Variants in PKN2 observed in about 807,000 individuals in gnomAD.
The protein encoded by PKN2 is protein kinase N2.
A neutral mutation model predicts 119.1 loss-of-function variants in PKN2; 38 were observed. That is an observed-to-expected ratio of 0.32 (90% CI 0.25 to 0.42). The LOEUF is 0.42. Ranked by LOEUF, PKN2 falls within the 10% of genes least tolerant of loss-of-function variation. PKN2 has a pLI of 1.00. For synonymous variants in PKN2, 390 were observed against 384.9 expected (o/e 1.01, Z -0.15); for missense variants, 850 against 1,165.1 (o/e 0.73, Z 3.94).
At chr1:88,787,824 A>G (rs1190801994) in intron 8 of PKN2, among the ~76,000 whole-genome samples, 1 of 152,222 alleles carries the variant, frequency 6.6e-6, no homozygotes, top group African/African-American at 2.4e-5. Context: ...CTTGAGAGGC[A>G]TCTTTCTTAT....
chr1:88,715,991 G>C (rs1010353765), intron 1 of PKN2, among the ~76,000 whole-genome samples: 4 of 151,968 alleles, frequency 2.6e-5, no homozygotes, highest in Admixed American at 6.6e-5. Context: ...CTGGTCCACT[G>C]TCTTTGTTCT....
intron 16 of PKN2, among the ~76,000 whole-genome samples, chr1:88,820,024 G>C (rs887022301): frequency 1.3e-5 from 2 of 151,590 alleles, no homozygotes; most frequent in Admixed American, 1.3e-4. Flanking sequence ...GATAGCATTA[G>C]GAGAAATACC....
chr1:88,710,211 G>T (rs1667171159), intron 1 of PKN2, among the ~76,000 whole-genome samples: 1 of 152,066 alleles, frequency 6.6e-6, no homozygotes, highest in Non-Finnish European at 1.5e-5. Flanking sequence ...AATATATTAA[G>T]TGCCATATTA....
At chr1:88,689,600 C>T (rs548715791) in intron 1 of PKN2, among the ~76,000 whole-genome samples, 1 of 152,268 alleles carries the variant, frequency 6.6e-6, no homozygotes, top group South Asian at 2.1e-4. Flanking sequence ...CACCTGAGGT[C>T]AGGAGTTCGA....
chr1:88,748,781 A>T (rs990917357), intron 2 of PKN2, among the ~76,000 whole-genome samples: 1 of 151,866 alleles, frequency 6.6e-6, no homozygotes. Context: ...CAAAAAATTT[A>T]AAAATTAGCC....
chr1:88,763,495 TACTTGGGAGACTGAGGCAAGAG>T, intron 3 of PKN2, among the ~76,000 whole-genome samples: 1 of 150,760 alleles, frequency 6.6e-6, no homozygotes. Flanking sequence ...TAATCCCAGC[TACTTGGGAGACTGAGGCAAGAG>T]AATCACTTGA....
At chr1:88,811,789 A>T (rs1671791843) in intron 15 of PKN2, among the ~76,000 whole-genome samples, 1 of 152,192 alleles carries the variant, frequency 6.6e-6, no homozygotes, top group Non-Finnish European at 1.5e-5. Flanking sequence ...TCTCTATTGT[A>T]TTTACTCTTA....
intron 15 of PKN2, 102 bp from the exon 16 acceptor site, chr1:88,813,455 G>T: frequency 1.3e-6 from 1 of 761,424 alleles, no homozygotes. Flanking sequence ...TTAAGTTATA[G>T]TTAAAATTTT....
At chr1:88,767,753 A>C (rs989549264) in intron 3 of PKN2, among the ~76,000 whole-genome samples, 5 of 152,234 alleles carry the variant, frequency 3.3e-5, no homozygotes, top group Non-Finnish European at 7.3e-5. Flanking sequence ...AAAATTTATA[A>C]ATTTCATAAA....
chr1:88,789,380 A>C (rs943419803), intron 8 of PKN2, among the ~76,000 whole-genome samples: 3 of 152,090 alleles, frequency 2.0e-5, no homozygotes, highest in African/African-American at 7.2e-5. Context: ...ATAAGAAGTT[A>C]GCCGTGTGCA....
At chr1:88,826,280 T>C (rs1377213770) in intron 18 of PKN2, among the ~76,000 whole-genome samples, 1 of 152,180 alleles carries the variant, frequency 6.6e-6, no homozygotes, top group Non-Finnish European at 1.5e-5. Context: ...TAATGCATTA[T>C]CATAAAAACA....
intron 19 of PKN2, chr1:88,828,998 G>A: frequency 1.6e-6 from 1 of 638,390 alleles, no homozygotes; most frequent in South Asian, 1.5e-5. Flanking sequence ...TGTTACCTTC[G>A]ACTTCCTCCA....
intron 9 of PKN2, 66 bp downstream of exon 9, chr1:88,804,600 A>G (rs1671458909): frequency 3.4e-6 from 5 of 1,458,490 alleles, no homozygotes; most frequent in African/African-American, 2.8e-5. Context: ...GCAGCATAAT[A>G]TAGAAGTAGA....
chr1:88,782,375 C>A (rs1670380268), intron 6 of PKN2, among the ~76,000 whole-genome samples: 2 of 151,756 alleles, frequency 1.3e-5, no homozygotes, highest in African/African-American at 4.8e-5. Flanking sequence ...GTGGAGAATT[C>A]ATGGCCTTTT....
At chr1:88,788,159 C>A (rs1356948469) in intron 8 of PKN2, among the ~76,000 whole-genome samples, 3 of 152,042 alleles carry the variant, frequency 2.0e-5, no homozygotes, top group Non-Finnish European at 4.4e-5. Flanking sequence ...ATAAAAAATT[C>A]ATGGTTCTTT....
intron 6 of PKN2, among the ~76,000 whole-genome samples, chr1:88,783,679 A>G (rs929226581): frequency 6.6e-6 from 1 of 152,234 alleles, no homozygotes; most frequent in African/African-American, 2.4e-5. Flanking sequence ...ATACGGAAGC[A>G]TTATTTAAAT....
At chr1:88,793,266 G>A (rs1417767812) in intron 8 of PKN2, among the ~76,000 whole-genome samples, 1 of 152,112 alleles carries the variant, frequency 6.6e-6, no homozygotes, top group Non-Finnish European at 1.5e-5. Context: ...TTTTATGGTA[G>A]TGAATGATAA....
intron 2 of PKN2, among the ~76,000 whole-genome samples, chr1:88,743,762 G>C (rs1278333896): frequency 6.6e-6 from 1 of 152,048 alleles, no homozygotes; most frequent in Non-Finnish European, 1.5e-5. Flanking sequence ...TCTTATATTA[G>C]TCTTTAGAAT....
At chr1:88,788,772 T>G (rs1379121104) in intron 8 of PKN2, among the ~76,000 whole-genome samples, 1 of 152,160 alleles carries the variant, frequency 6.6e-6, no homozygotes, top group African/African-American at 2.4e-5. Context: ...TGAAGTCTAC[T>G]TACTACCAGC....
Sources: gnomAD v4.1 joint callset for allele counts (sites outside exome capture counted in the v4.1 genomes callset) on GRCh38, gnomAD v4.1.1 for gene constraint, MANE v1.5 for transcripts, NCBI Gene and HGNC (gene_info 2026-07-23, HGNC 2026-07-21) for gene names.